MYLK3: variants seen among roughly 807,000 people sequenced by gnomAD.
MYLK3 encodes MLC kinase.
MYLK3 carries 55 observed loss-of-function variants against 76.3 expected under a neutral mutation model. That is an observed-to-expected ratio of 0.72 (90% CI 0.58 to 0.90). MYLK3 has a LOEUF of 0.90. Ranked by LOEUF, MYLK3 falls within the 40% of genes least tolerant of loss-of-function variation. The pLI is 0.00. For missense variants in MYLK3, 973 were observed against 1,053.6 expected (o/e 0.92, Z 1.06); for synonymous variants, 416 against 425.4 (o/e 0.98, Z 0.27).
At chr16:46,744,896 T>G (rs1240881096) in intron 1 of MYLK3, among the ~76,000 whole-genome samples, 1 of 152,176 alleles carries the variant, frequency 6.6e-6, no homozygotes, top group African/African-American at 2.4e-5. Flanking sequence ...ATCAAGATTA[T>G]GTTTTTTAAA....
intron 9 of MYLK3, among the ~76,000 whole-genome samples, chr16:46,717,313 G>C (rs1454911474): frequency 6.6e-6 from 1 of 152,178 alleles, no homozygotes; most frequent in African/African-American, 2.4e-5. Context: ...AGTGTTGTTT[G>C]CTGTGGTGTG....
chr16:46,748,221 G>A lies in MYLK3; in HGVS notation c.-28C>T, dbSNP rs1479688475. The A allele has an allele frequency of 1.3e-6, 2 of 1,594,746 alleles. No individual in the cohort carries two copies. The highest frequency in any genetic ancestry group is 1.7e-4 in the Middle Eastern group (1 of 5,960). On this transcript the variant is annotated 5_prime_UTR_variant, in exon 1 of 13. Transcript: ENST00000394809. This position sits in a 1 kb window ranked among gnomAD's most constrained non-coding sequence, Gnocchi z 4.3. ...TGGTGCAGGCTTGACAAGGGCAAGA[G>A]CGGGGAATGAGGAGAGGCACAGACC... is the stretch of plus-strand genomic sequence containing the variant.
Position 46,703,561 on chromosome 16 carries a change from T to C in MYLK3, c.*4143A>G, listed in dbSNP as rs1266034328. On this transcript the variant is annotated 3_prime_UTR_variant, in exon 13 of 13. Transcript: ENST00000394809. The stretch of plus-strand genomic sequence containing the variant: ...GTACATGCAAATGGAAAAGTCCCAT[T>C]AGAAATAGTTGACCCAACACAGTTG... The C allele has an allele frequency of 6.6e-6, 1 of 152,198 alleles. No homozygotes were observed. The allele number at this position is 152,198 out of a possible 1,614,324, so 9.4% of individuals were successfully genotyped here.
chr16:46,733,878 T>A (rs776485315), intron 3 of MYLK3, among the ~76,000 whole-genome samples: 1 of 152,080 alleles, frequency 6.6e-6, no homozygotes, highest in African/African-American at 2.4e-5. Flanking sequence ...TGGCCTCAGT[T>A]CTCTCTTTTC....
chr16:46,724,636 A>C (rs975961090), intron 8 of MYLK3, among the ~76,000 whole-genome samples: 6 of 152,218 alleles, frequency 3.9e-5, no homozygotes, highest in African/African-American at 1.4e-4. Flanking sequence ...TAGACTCTCA[A>C]GTGTATTAAT....
Position 46,715,789 on chromosome 16 carries a change from T to A in MYLK3, c.1986-3013A>T, listed in dbSNP as rs540094842. 1.1e-4 allele frequency among the ~76,000 whole-genome samples: 16 copies of A among 152,304 alleles called. No individual in the cohort carries two copies. The South Asian group carries it at 2.9e-3, about 28-fold the overall frequency. On this transcript the variant is annotated intron_variant, in intron 9 of 12. Transcript: ENST00000394809. ...TGTGCCTCCACTGCACCAGGAGCCA[T>A]GTCCCTGCTGAAAACCAACTTTATT...
upstream of MYLK3, among the ~76,000 whole-genome samples, chr16:46,749,748 T>C (rs1477922783): frequency 6.6e-6 from 1 of 152,128 alleles, no homozygotes; most frequent in Non-Finnish European, 1.5e-5. Flanking sequence ...AATAAATAAA[T>C]ACACGAAAGC....
At chr16:46,731,331 T>G (rs139790393) in intron 4 of MYLK3, among the ~76,000 whole-genome samples, 151 of 152,364 alleles carry the variant, frequency 9.9e-4, no homozygotes, top group African/African-American at 3.5e-3. Context: ...TGTTTGTTTT[T>G]TAATGGTTTA....
intron 1 of MYLK3, among the ~76,000 whole-genome samples, chr16:46,762,103 G>A (rs1015929455): frequency 3.3e-5 from 5 of 152,252 alleles, no homozygotes; most frequent in Non-Finnish European, 1.5e-5. Flanking sequence ...CTGCCACCCC[G>A]CAGGCGGGCA....
intron 5 of MYLK3, 50 bp downstream of exon 5, chr16:46,730,542 GC>G (rs751551808): frequency 6.7e-7 from 1 of 1,498,054 alleles, no homozygotes; most frequent in South Asian, 1.1e-5. Context: ...TCCCGACCCT[GC>G]CCCGTGACTC....
chr16:46,738,047 G>A lies in MYLK3; in HGVS notation c.665C>T (p.Ser222Leu), dbSNP rs746382800. The A allele has an allele frequency of 6.2e-7, 1 of 1,610,300 alleles. No homozygotes were observed. Among genetic ancestry groups the A allele is most frequent in the Non-Finnish European group, 8.5e-7 (1 of 1,179,166 alleles). The change falls in exon 3 of 13, where the codon TCA (serine) becomes TTA (leucine). Residue 222 changes from serine (S) to leucine (L), a missense_variant. By Grantham distance (145) the Ser-to-Leu change is moderately radical. Around this residue, in one of 2 missense-constraint regions of MYLK3, gnomAD observed 641 missense variants for 637.0 expected, o/e 1.01. Transcript: ENST00000394809. ...LGADPAQAVV[S>L]PGQGDGVPGP... ...AGGAACACCATCTCCCTGGCCCGGT[G>A]AGACCACTGCCTGGGCGGGGTCAGC...
At chr16:46,720,085 G>A (rs764914825) in intron 9 of MYLK3, among the ~76,000 whole-genome samples, 2 of 152,220 alleles carry the variant, frequency 1.3e-5, no homozygotes, top group African/African-American at 2.4e-5. Flanking sequence ...GGCTAAGGCA[G>A]GTGAATTGCT....
At chr16:46,711,342 G>A (rs1400099839) in intron 10 of MYLK3, among the ~76,000 whole-genome samples, 1 of 152,112 alleles carries the variant, frequency 6.6e-6, no homozygotes, top group African/African-American at 2.4e-5. Flanking sequence ...CAATAATCAG[G>A]AGACCAGAAG....
intron 9 of MYLK3, among the ~76,000 whole-genome samples, chr16:46,719,830 T>C (rs1033411051): frequency 6.6e-6 from 1 of 152,198 alleles, no homozygotes; most frequent in African/African-American, 2.4e-5. Context: ...ACAGCAACAT[T>C]AGCCACACTG....
At chr16:46,748,858 C>A (rs1320883567), upstream of MYLK3, among the ~76,000 whole-genome samples, 2 of 152,212 alleles carry the variant, frequency 1.3e-5, no homozygotes, top group East Asian at 3.9e-4. This position sits in a 1 kb window ranked among gnomAD's most constrained non-coding sequence, Gnocchi z 4.3. Flanking sequence ...CGGCAGGTCC[C>A]TCCCCACCGG....
intron 9 of MYLK3, among the ~76,000 whole-genome samples, chr16:46,719,114 G>A (rs548136377): frequency 5.3e-5 from 8 of 152,114 alleles, no homozygotes; most frequent in East Asian, 3.9e-4. Context: ...GGATCACGAC[G>A]TCAAGAGATC....
At chr16:46,734,139 C>T (rs1050025859) in intron 3 of MYLK3, among the ~76,000 whole-genome samples, 4 of 152,128 alleles carry the variant, frequency 2.6e-5, no homozygotes, top group African/African-American at 9.7e-5. Context: ...TCACAAAAGC[C>T]AAAAGGTGGA....
At chr16:46,725,189 C>T (rs930001364) in intron 8 of MYLK3, among the ~76,000 whole-genome samples, 2 of 152,172 alleles carry the variant, frequency 1.3e-5, no homozygotes, top group Non-Finnish European at 2.9e-5. Flanking sequence ...TAATAGTCTC[C>T]TCTCTTTAAG....
chr16:46,729,215 G>T (rs2143014653), intron 6 of MYLK3, 82 bp from the exon 7 acceptor site: 1 of 1,045,158 alleles, frequency 9.6e-7, no homozygotes, highest in Non-Finnish European at 1.5e-6. Flanking sequence ...GACAGACACA[G>T]AACTCCTCAT....
Sources: allele counts gnomAD v4.1 joint callset (sites outside exome capture counted in the v4.1 genomes callset), GRCh38; gene constraint gnomAD v4.1.1; regional missense constraint gnomAD v4.1.1; non-coding constraint Gnocchi (gnomAD v3.1); transcripts MANE v1.5; gene names NCBI Gene and HGNC (gene_info 2026-07-23, HGNC 2026-07-21).